Variants in RLIG1 observed in about 807,000 individuals in gnomAD.
The protein encoded by RLIG1 is RNA 5'-phosphate and 3'-OH ligase 1.
the RLIG1 span, chr12:88,035,778 G>C: frequency 1.3e-6 from 2 of 1,557,786 alleles, no homozygotes; most frequent in African/African-American, 2.7e-5. Flanking sequence ...GCCCGCGTGG[G>C]CTCCTCCCCG....
the RLIG1 span, among the ~76,000 whole-genome samples, chr12:88,039,624 GT>G: frequency 2.6e-5 from 4 of 152,026 alleles, no homozygotes; most frequent in Admixed American, 6.6e-5. Context: ...CCTCCTCAAA[GT>G]TTCCCTTTCC....
At chr12:88,040,397 C>A in the RLIG1 span, 1 of 520,862 alleles carries the variant, frequency 1.9e-6, no homozygotes, top group Non-Finnish European at 3.4e-6. Flanking sequence ...ACAAAAAGGT[C>A]ACAATTGTTA....
chr12:88,046,349 G>A, the RLIG1 span, among the ~76,000 whole-genome samples: 1 of 152,120 alleles, frequency 6.6e-6, no homozygotes, highest in Non-Finnish European at 1.5e-5. Context: ...AGTTAGACAA[G>A]TTATCAGAGA....
At chr12:88,048,085 T>A in the RLIG1 span, 2 of 454,342 alleles carry the variant, frequency 4.4e-6, no homozygotes, top group Non-Finnish European at 7.4e-6. Flanking sequence ...ATATGTAATA[T>A]GTCAGGAGAA....
At chr12:88,048,182 GAATGAAGATAGTAT>G in the RLIG1 span, 1 of 1,353,300 alleles carries the variant, frequency 7.4e-7, no homozygotes, top group Non-Finnish European at 9.7e-7. Flanking sequence ...ATTTCTAAGT[GAATGAAGATAGTAT>G]CTGTATGCTA....
chr12:88,050,003 C>T, the RLIG1 span: 2 of 187,028 alleles, frequency 1.1e-5, no homozygotes, highest in Admixed American at 6.4e-5. Context: ...AGAGGTAAAA[C>T]AGCAAATATT....
chr12:88,035,683 C>T, the RLIG1 span: 1 of 1,609,080 alleles, frequency 6.2e-7, no homozygotes, highest in Non-Finnish European at 8.5e-7. Flanking sequence ...CGGAAAATGC[C>T]GTGTGTGTTT....
the RLIG1 span, among the ~76,000 whole-genome samples, chr12:88,037,776 A>G: frequency 2.0e-5 from 3 of 152,198 alleles, no homozygotes; most frequent in Admixed American, 6.5e-5. Context: ...CAGTATGTTT[A>G]TATTGTACAG....
At chr12:88,041,692 G>A in the RLIG1 span, 1 of 152,096 alleles carries the variant, frequency 6.6e-6, no homozygotes, top group Admixed American at 6.6e-5. Flanking sequence ...AGAAACAAAA[G>A]GTCCATTGAA....
At chr12:88,045,844 C>T in the RLIG1 span, 16 of 1,339,740 alleles carry the variant, frequency 1.2e-5, no homozygotes. Context: ...CTTTCTAGGT[C>T]AACTTAAAAA....
the RLIG1 span, among the ~76,000 whole-genome samples, chr12:88,041,026 T>A: frequency 2.0e-5 from 3 of 152,202 alleles, no homozygotes; most frequent in African/African-American, 7.2e-5. Context: ...TTTACATTGT[T>A]GTGCTACTAT....
At chr12:88,048,249 C>G in the RLIG1 span, 1 of 1,561,298 alleles carries the variant, frequency 6.4e-7, no homozygotes, top group Non-Finnish European at 8.7e-7. Flanking sequence ...TCGCCATCAT[C>G]TTGGCTTATG....
the RLIG1 span, among the ~76,000 whole-genome samples, chr12:88,040,890 C>T: frequency 4.6e-5 from 7 of 152,004 alleles, no homozygotes; most frequent in African/African-American, 1.7e-4. Context: ...ATTAAATGGA[C>T]ATCTGGACAC....
At chr12:88,041,822 T>C in the RLIG1 span, 1 of 152,162 alleles carries the variant, frequency 6.6e-6, no homozygotes, top group East Asian at 1.9e-4. Context: ...TGGATTTGTA[T>C]ACTTGAGAAA....
the RLIG1 span, chr12:88,041,784 C>G: frequency 3.3e-5 from 5 of 152,014 alleles, no homozygotes; most frequent in African/African-American, 7.2e-5. Flanking sequence ...ATATTTGGAC[C>G]ACTGTGCAGC....
At chr12:88,046,967 T>A in the RLIG1 span, 4 of 1,606,806 alleles carry the variant, frequency 2.5e-6, no homozygotes, top group South Asian at 4.5e-5. Context: ...GTGATGGCTG[T>A]TTAATAAAGG....
At chr12:88,045,171 CG>C in the RLIG1 span, 1 of 160,732 alleles carries the variant, frequency 6.2e-6, no homozygotes, top group Non-Finnish European at 1.4e-5. Context: ...GTAAATTGTT[CG>C]GTATATATTG....
the RLIG1 span, chr12:88,045,813 A>T: frequency 1.7e-4 from 261 of 1,545,852 alleles, 2 homozygotes; most frequent in East Asian, 2.7e-3. Context: ...CAGTTATTGT[A>T]ACTGACATTT....
chr12:88,036,296 T>C, the RLIG1 span, among the ~76,000 whole-genome samples: 1 of 152,182 alleles, frequency 6.6e-6, no homozygotes, highest in Non-Finnish European at 1.5e-5. Flanking sequence ...TTCCATAGTG[T>C]GCCCTCGGTA....
Sources: allele counts gnomAD v4.1 joint callset (sites outside exome capture counted in the v4.1 genomes callset), GRCh38; gene constraint gnomAD v4.1.1; transcripts MANE v1.5; gene names NCBI Gene and HGNC (gene_info 2026-07-23, HGNC 2026-07-21).